The following CSMD1 variants were observed in gnomAD, a reference collection of about 807,000 sequenced individuals.
CSMD1 encodes the protein CUB and Sushi multiple domains 1, also known as CUB and sushi domain-containing protein 1.
Under a neutral mutation model 417.5 loss-of-function variants are expected in CSMD1, and 213 were observed. That is an observed-to-expected ratio of 0.51 (90% CI 0.46 to 0.57). CSMD1 has a LOEUF of 0.57. Ranked by LOEUF, CSMD1 falls within the 20% of genes least tolerant of loss-of-function variation. The pLI, the probability that CSMD1 is intolerant of heterozygous loss-of-function variation, is 0.00. For missense variants in CSMD1, 6,923 were observed against 4,529.7 expected (o/e 1.53, Z -15.17); for synonymous variants, 2,862 against 1,736.8 (o/e 1.65, Z -16.11).
At chr8:4,606,516 G>A (rs902333620) in intron 2 of CSMD1, among the ~76,000 whole-genome samples, 8 of 152,154 alleles carry the variant, frequency 5.3e-5, no homozygotes, top group African/African-American at 7.2e-5. Context: ...TGTGGCTGAA[G>A]ACAACAGCGG....
At chr8:4,044,934 C>A (rs1798074083) in intron 3 of CSMD1, among the ~76,000 whole-genome samples, 1 of 140,586 alleles carries the variant, frequency 7.1e-6, no homozygotes. Context: ...AAAAATGTCC[C>A]CATGGCATCT....
chr8:3,398,924 T>A (rs183767305), intron 16 of CSMD1, among the ~76,000 whole-genome samples: 1 of 152,318 alleles, frequency 6.6e-6, no homozygotes, highest in East Asian at 1.9e-4. Context: ...GGCGATTAGT[T>A]GGTGATTGAT....
At chr8:4,587,998 G>A (rs529081872) in intron 2 of CSMD1, among the ~76,000 whole-genome samples, 22 of 152,230 alleles carry the variant, frequency 1.4e-4, no homozygotes, top group Admixed American at 1.3e-3. Context: ...TTCCTGAATC[G>A]TGAATGCAGC....
chr8:4,795,082 A>T (rs1356504720), intron 1 of CSMD1, among the ~76,000 whole-genome samples: 1 of 151,860 alleles, frequency 6.6e-6, no homozygotes, highest in Admixed American at 6.6e-5. Flanking sequence ...TATGGAAGGT[A>T]ATAGTGAAGA....
At chr8:3,578,265 G>T (rs1800234923) in intron 9 of CSMD1, among the ~76,000 whole-genome samples, 1 of 152,154 alleles carries the variant, frequency 6.6e-6, no homozygotes, top group African/African-American at 2.4e-5. Context: ...TGAGAAAGAA[G>T]AGATGACCCA....
At chr8:4,659,603 A>G (rs534455914) in intron 1 of CSMD1, among the ~76,000 whole-genome samples, 3 of 152,108 alleles carry the variant, frequency 2.0e-5, no homozygotes, top group Non-Finnish European at 2.9e-5. Context: ...ATAGACACAG[A>G]AAACAGATTG....
At chr8:3,071,171 A>C (rs956384505) in intron 49 of CSMD1, among the ~76,000 whole-genome samples, 1 of 152,226 alleles carries the variant, frequency 6.6e-6, no homozygotes, top group African/African-American at 2.4e-5. Context: ...ACCTCTTTCC[A>C]GGCCCACCTC....
chr8:4,319,535 A>C (rs1043754997), intron 3 of CSMD1, among the ~76,000 whole-genome samples: 1 of 152,296 alleles, frequency 6.6e-6, no homozygotes, highest in South Asian at 2.1e-4. Context: ...ACAAACAAAC[A>C]AAGTCACAGA....
chr8:4,463,309 G>T (rs1446284121), intron 2 of CSMD1, among the ~76,000 whole-genome samples: 3 of 152,062 alleles, frequency 2.0e-5, no homozygotes, highest in African/African-American at 7.2e-5. Flanking sequence ...GAGGTGTATG[G>T]GTGTTTCACT....
chr8:3,918,530 T>G (rs370676136), intron 5 of CSMD1, among the ~76,000 whole-genome samples: 1 of 152,164 alleles, frequency 6.6e-6, no homozygotes, highest in Admixed American at 6.5e-5. Context: ...CCATTTTTAA[T>G]TTTTAATTTG....
At chr8:3,831,300 G>T (rs1274652348) in intron 5 of CSMD1, among the ~76,000 whole-genome samples, 1 of 152,168 alleles carries the variant, frequency 6.6e-6, no homozygotes, top group Non-Finnish European at 1.5e-5. Context: ...CTGGGGAGCT[G>T]TGGCATGTTG....
intron 11 of CSMD1, among the ~76,000 whole-genome samples, chr8:3,471,333 A>G (rs1306166173): frequency 2.0e-5 from 3 of 152,258 alleles, no homozygotes; most frequent in South Asian, 4.1e-4. Flanking sequence ...CTCTTGATAT[A>G]TTGTAGTACA....
chr8:3,170,680 C>T (rs1000277059), intron 37 of CSMD1, among the ~76,000 whole-genome samples: 2 of 152,124 alleles, frequency 1.3e-5, no homozygotes, highest in East Asian at 3.9e-4. Flanking sequence ...ATGGATCATG[C>T]ACAACTGTAG....
chr8:3,531,045 G>C (rs1300634601), intron 10 of CSMD1, among the ~76,000 whole-genome samples: 5 of 146,760 alleles, frequency 3.4e-5, no homozygotes, highest in South Asian at 2.2e-4. Context: ...ATTTGTAGTA[G>C]AGAAGGGGTT....
intron 2 of CSMD1, among the ~76,000 whole-genome samples, chr8:4,563,403 C>A (rs945179616): frequency 9.2e-5 from 14 of 151,946 alleles, no homozygotes; most frequent in African/African-American, 3.4e-4. Flanking sequence ...TCTGTCTCTA[C>A]AAAATAATAA....
At chr8:3,985,483 C>A (rs182447823) in intron 5 of CSMD1, among the ~76,000 whole-genome samples, 46 of 152,206 alleles carry the variant, frequency 3.0e-4, no homozygotes, top group Middle Eastern at 3.4e-3. Context: ...ATAATTGCTG[C>A]TCAGAAGTCT....
intron 26 of CSMD1, among the ~76,000 whole-genome samples, chr8:3,242,586 G>A (rs1444681639): frequency 1.3e-5 from 2 of 152,016 alleles, no homozygotes; most frequent in South Asian, 2.1e-4. Context: ...GGGGTCAAGC[G>A]GCATTGCAGA....
At chr8:4,737,394 G>C (rs1417405604) in intron 1 of CSMD1, among the ~76,000 whole-genome samples, 1 of 151,936 alleles carries the variant, frequency 6.6e-6, no homozygotes, top group South Asian at 2.1e-4. Flanking sequence ...ATGGGTACTA[G>C]GTTTAATATC....
chr8:3,338,325 C>T (rs963511500), intron 23 of CSMD1, among the ~76,000 whole-genome samples: 3 of 152,142 alleles, frequency 2.0e-5, no homozygotes, highest in African/African-American at 7.2e-5. Context: ...TCAGTGTCCA[C>T]AGAACGGAAA....
Sources: gnomAD v4.1 joint callset for allele counts (sites outside exome capture counted in the v4.1 genomes callset) on GRCh38, gnomAD v4.1.1 for gene constraint, MANE v1.5 for transcripts, NCBI Gene and HGNC (gene_info 2026-07-23, HGNC 2026-07-21) for gene names.